The following KCTD16 variants were observed in gnomAD, a reference collection of about 807,000 sequenced individuals.
KCTD16 encodes the protein BTB/POZ domain-containing protein KCTD16.
A neutral mutation model predicts 33.2 loss-of-function variants in KCTD16; 13 were observed. The observed-to-expected ratio is 0.39, with a 90% CI of 0.25 to 0.62. KCTD16 has a LOEUF of 0.62. Ranked by LOEUF, KCTD16 falls within the 20% of genes least tolerant of loss-of-function variation. The pLI, the probability that KCTD16 is intolerant of heterozygous loss-of-function variation, is 0.50. For missense variants in KCTD16, 441 were observed against 525.1 expected, an observed-to-expected ratio of 0.84 and a Z score of 1.57; for synonymous variants, 197 against 195.3, an observed-to-expected ratio of 1.01 and a Z score of -0.07.
At chr5:144,240,389 TG>T (rs1424146895) in intron 3 of KCTD16, among the ~76,000 whole-genome samples, 2 of 152,230 alleles carry the variant, frequency 1.3e-5, no homozygotes, top group African/African-American at 2.4e-5. Flanking sequence ...ATTTTTTCTT[TG>T]TTTTTTTACT....
intron 2 of KCTD16, among the ~76,000 whole-genome samples, chr5:144,198,393 G>T (rs769005681): frequency 2.5e-4 from 38 of 152,142 alleles, no homozygotes; most frequent in Non-Finnish European, 5.0e-4. Flanking sequence ...GGAAAAAAGT[G>T]GTATTCAGAG....
chr5:144,270,436 A>G (rs914307534), intron 3 of KCTD16, among the ~76,000 whole-genome samples: 9 of 151,972 alleles, frequency 5.9e-5, no homozygotes, highest in Non-Finnish European at 1.3e-4. Flanking sequence ...CAATGGATCA[A>G]AGAGGAAATT....
chr5:144,408,645 A>G lies in KCTD16; in HGVS notation c.833-65015A>G, dbSNP rs75770080. Among the ~76,000 whole-genome samples, 728 of 152,294 alleles carry G rather than the reference A, an allele frequency of 4.8e-3. 7 individuals carry two copies. The highest frequency in any genetic ancestry group is 0.017 in the African/African-American group (699 of 41,578). On this transcript the variant is annotated intron_variant, in intron 3 of 3. Coordinates refer to ENST00000512467, the MANE Select transcript of KCTD16 (RefSeq NM_020768.4). ...TCTTGAAGGTAGAGGTATATCAATT[A>G]TATCACTCACTCTCAGAGCTTCCCA... is the stretch of plus-strand genomic sequence containing the variant.
chr5:144,260,933 T>C (rs1322507959), intron 3 of KCTD16, among the ~76,000 whole-genome samples: 2 of 151,930 alleles, frequency 1.3e-5, no homozygotes, highest in African/African-American at 4.8e-5. Flanking sequence ...TATAATTAAC[T>C]CTATAGGCTG....
chr5:144,186,364 G>GAA (rs200549095), intron 2 of KCTD16, among the ~76,000 whole-genome samples: 8,464 of 142,162 alleles, frequency 0.06, 291 homozygotes, highest in African/African-American at 0.068. Context: ...AAAAAAAAAA[G>GAA]AAAAAAAAAA....
At chr5:144,398,077 G>A (rs1561592826) in intron 3 of KCTD16, among the ~76,000 whole-genome samples, 1 of 152,156 alleles carries the variant, frequency 6.6e-6, no homozygotes, top group Non-Finnish European at 1.5e-5. Flanking sequence ...AACAATGAGA[G>A]CATGGATTGA....
At chr5:144,348,856 A>G (rs1752875118) in intron 3 of KCTD16, among the ~76,000 whole-genome samples, 1 of 152,226 alleles carries the variant, frequency 6.6e-6, no homozygotes, top group Non-Finnish European at 1.5e-5. Flanking sequence ...CCCTTGCTGC[A>G]GCAATCTTGA....
intron 3 of KCTD16, among the ~76,000 whole-genome samples, chr5:144,390,459 G>T (rs1383354031): frequency 6.6e-6 from 1 of 152,046 alleles, no homozygotes; most frequent in African/African-American, 2.4e-5. Flanking sequence ...TTTTACAGTT[G>T]CTGAAATTCA....
intron 3 of KCTD16, among the ~76,000 whole-genome samples, chr5:144,275,137 G>A (rs1294895930): frequency 3.3e-5 from 5 of 151,640 alleles, no homozygotes; most frequent in Non-Finnish European, 5.9e-5. Flanking sequence ...TTAAAATGGA[G>A]AAACATAATA....
At chr5:144,317,803 A>G (rs748185514) in intron 3 of KCTD16, among the ~76,000 whole-genome samples, 2 of 152,148 alleles carry the variant, frequency 1.3e-5, no homozygotes, top group Non-Finnish European at 2.9e-5. Flanking sequence ...TCCCACTGAC[A>G]TGTACGTTGT....
chr5:144,363,180 A>G (rs1751754425), intron 3 of KCTD16, among the ~76,000 whole-genome samples: 1 of 152,074 alleles, frequency 6.6e-6, no homozygotes, highest in South Asian at 2.1e-4. Context: ...AATCTCTACT[A>G]AAAATACAAA....
In KCTD16 at chr5:144,311,103, AGACCAATTTGGTCT is replaced by A. The variant is rs536476698; in HGVS notation, c.832+103558_832+103571del. On this transcript the variant is annotated intron_variant, in intron 3 of 3. Transcript: ENST00000512467. ...TCTTTGCTTTAGGTGTGTACAGGCT[AGACCAATTTGGTCT>A]CTAAGATTTGCTTGAAGCTCTTGAG... Among the ~76,000 whole-genome samples the A allele has an allele frequency of 5.4e-3, 827 of 152,276 alleles. 2 individuals are homozygous for A. Among genetic ancestry groups the A allele is most frequent in the Non-Finnish European group, 9.2e-3 (626 of 68,022 alleles).
chr5:144,416,529 C>T (rs1365754039), intron 3 of KCTD16, among the ~76,000 whole-genome samples: 1 of 152,130 alleles, frequency 6.6e-6, no homozygotes, highest in Non-Finnish European at 1.5e-5. Context: ...ACTAAAGATA[C>T]TCTTGGTCCA....
Position 144,474,111 on chromosome 5 carries a change from A to G in KCTD16, c.1284A>G (p.Leu428=), listed in dbSNP as rs1014995100. 1.9e-6 allele frequency: 3 copies of G among 1,575,378 alleles called. No homozygotes were observed. The highest frequency in any genetic ancestry group is 2.2e-5 in the East Asian group (1 of 44,552). Residue 428 remains leucine (L), a synonymous_variant, in exon 4 of 4, where the codon CTA becomes CTG. Coordinates refer to ENST00000512467, the MANE Select transcript of KCTD16 (RefSeq NM_020768.4). ...WQSELLRKYH[L] is the part of the protein sequence containing the mutation. ...CTGAACTTTTAAGGAAGTATCATCT[A>G]TAAGGGAGGGCTGGGGGCGGGAAAA...
intron 3 of KCTD16, among the ~76,000 whole-genome samples, chr5:144,405,913 T>G (rs1466144435): frequency 1.3e-5 from 2 of 152,190 alleles, no homozygotes; most frequent in African/African-American, 4.8e-5. Flanking sequence ...TAAGCCCCAT[T>G]GGAAATCCTA....
chr5:144,207,258 G>A lies in KCTD16; in HGVS notation c.544G>A (p.Ala182Thr), dbSNP rs1389869918. ...GSCTLGREGQ[A>T]DAKFRRVPRI... is the part of the protein sequence containing the mutation. ...CTGCACCTTGGGCAGAGAGGGACAG[G>A]CAGATGCCAAGTTTCGGAGAGTTCC... Residue 182 changes from alanine (A) to threonine (T), a missense_variant, in exon 3 of 4, where the codon GCA (alanine) becomes ACA (threonine). This residue lies in a region of KCTD16 where 355 missense variants were observed against 413.0 expected (regional missense o/e 0.86). Transcript: ENST00000512467. 1.9e-6 allele frequency: 3 copies of A among 1,614,098 alleles called. No individual in the cohort carries two copies. In the East Asian group the frequency reaches 6.7e-5, roughly 36 times the overall value.
At chr5:144,221,007 A>G (rs1486048349) in intron 3 of KCTD16, among the ~76,000 whole-genome samples, 1 of 152,120 alleles carries the variant, frequency 6.6e-6, no homozygotes, top group Non-Finnish European at 1.5e-5. Flanking sequence ...ACCTTGAGAA[A>G]GAGGTTAAGA....
intron 3 of KCTD16, among the ~76,000 whole-genome samples, chr5:144,317,123 G>T (rs1292560846): frequency 6.6e-6 from 1 of 151,854 alleles, no homozygotes; most frequent in East Asian, 1.9e-4. Flanking sequence ...ACCAAGCCCG[G>T]CCCGGCCAGC....
chr5:144,429,247 G>A, intron 3 of KCTD16, among the ~76,000 whole-genome samples: 1 of 152,134 alleles, frequency 6.6e-6, no homozygotes, highest in South Asian at 2.1e-4. Flanking sequence ...TCAGTTGGAA[G>A]TGTCAAAAAT....
Sources: gnomAD v4.1 joint callset for allele counts (sites outside exome capture counted in the v4.1 genomes callset) on GRCh38, gnomAD v4.1.1 for gene constraint, gnomAD v4.1.1 regional missense constraint, MANE v1.5 for transcripts, NCBI Gene and HGNC (gene_info 2026-07-23, HGNC 2026-07-21) for gene names.